NOP53: variants seen among roughly 807,000 people sequenced by gnomAD.
NOP53 encodes ribosome biogenesis protein NOP53.
NOP53 carries 40 observed loss-of-function variants against 61.0 expected under a neutral mutation model. The observed-to-expected ratio is 0.66, with a 90% CI of 0.51 to 0.85. NOP53 has a LOEUF of 0.85. NOP53 is among the 40% of genes least tolerant of loss of function. NOP53 has a pLI of 0.00. For synonymous variants in NOP53, 308 were observed against 289.5 expected (o/e 1.06, Z -0.65); for missense variants, 689 against 652.9 (o/e 1.06, Z -0.60).
intron 2 of NOP53, among the ~76,000 whole-genome samples, chr19:47,748,965 C>T (rs535799790): frequency 5.9e-5 from 9 of 152,178 alleles, no homozygotes; most frequent in African/African-American, 2.2e-4. Context: ...AGTTTGAGAC[C>T]AGCCTGACCA....
Position 47,757,041 on chromosome 19 carries a change from AAAAT to A in NOP53, c.*37_*40del. 1.9e-6 allele frequency: 3 copies of A among 1,612,766 alleles called. No individual in the cohort carries two copies. The South Asian group carries it at 3.3e-5, about 18-fold the overall frequency. Reference sequence around the variant, plus strand: ...ATGCCGGAGACTCGCCCTTCAATAAAAAATCTCTTCTAGCTGATCAGTGGGCTCC... The same window carrying A: ...ATGCCGGAGACTCGCCCTTCAATAAACTCTTCTAGCTGATCAGTGGGCTCC... On this transcript the variant is annotated 3_prime_UTR_variant, in exon 13 of 13. Coordinates refer to ENST00000246802, the MANE Select transcript of NOP53 (RefSeq NM_015710.5).
intron 10 of NOP53, 62 bp downstream of exon 10, chr19:47,755,884 T>G: frequency 7.0e-7 from 1 of 1,419,548 alleles, no homozygotes; most frequent in South Asian, 1.2e-5. Context: ...TTGCTCCCCG[T>G]GCCCCCCAGG....
chr19:47,745,745 G>T lies in NOP53; in HGVS notation c.186G>T (p.Gln62His). The T allele has an allele frequency of 6.3e-7, 1 of 1,596,426 alleles. No individual in the cohort carries two copies. Among genetic ancestry groups the T allele is most frequent in the Non-Finnish European group, 8.5e-7 (1 of 1,171,204 alleles). ...AQEPLGLEVD[Q>H]FLEDVRLQER... ...AGCCGCTGGGGCTGGAGGTTGACCA[G>T]TTCCTGGAAGACGTGCGGCTACAGG... Residue 62 changes from glutamine (Q) to histidine (H), a missense_variant, in exon 1 of 13, where the codon CAG becomes CAT. By Grantham distance (24) the Gln-to-His change is conservative. Coordinates refer to ENST00000246802, the MANE Select transcript of NOP53 (RefSeq NM_015710.5).
At chr19:47,751,371 G>T in intron 4 of NOP53, 149 bp from the exon 5 acceptor site, 1 of 668,674 alleles carries the variant, frequency 1.5e-6, no homozygotes. Context: ...TTTTGTCCTG[G>T]TGATCAAGGC....
At chr19:47,751,476 C>A in intron 4 of NOP53, 44 bp from the exon 5 acceptor site, 1 of 1,504,310 alleles carries the variant, frequency 6.6e-7, no homozygotes, top group South Asian at 1.1e-5. Context: ...GGTGCCTCTT[C>A]CATGCTGGGA....
At position 47,756,754 on chromosome 19, in the gene NOP53, C is replaced by T. The variant is rs745340128; in HGVS notation, c.1430+10C>T. 1.2e-6 allele frequency: 2 copies of T among 1,612,974 alleles called. No individual in the cohort carries two copies. Among genetic ancestry groups the T allele is most frequent in the Admixed American group, 1.7e-5 (1 of 60,022 alleles). On this transcript the variant is annotated intron_variant, in intron 12 of 12. Transcript: ENST00000246802. ...CGTTCCGTGAGATCCAGTGAGTCCACCCGGCTTCGGCGCAAGGAAGGGAGC... is the reference window on the plus strand; with the variant it reads ...CGTTCCGTGAGATCCAGTGAGTCCATCCGGCTTCGGCGCAAGGAAGGGAGC...
At position 47,747,022 on chromosome 19, in the gene NOP53, A is replaced by G. The variant is rs865876387; in HGVS notation, c.280A>G (p.Lys94Glu). The change falls in exon 2 of 13, where the codon AAG becomes GAG. Residue 94 changes from lysine (K) to glutamate (E), a missense_variant. Lys to Glu is a moderately conservative substitution (Grantham distance 56). Transcript: ENST00000246802. ...ACTCTTCTTCGTGGACACTGGCTCC[A>G]AGGAAAAAGGTGAGGAGAGGCTTTT... ...EKLFFVDTGS[K>E]EKGLTKKRTK... 1 of 1,613,630 alleles carries G rather than the reference A, an allele frequency of 6.2e-7. No homozygotes were observed. The highest frequency in any genetic ancestry group is 1.3e-5 in the African/African-American group (1 of 75,040).
intron 2 of NOP53, 82 bp from the exon 3 acceptor site, chr19:47,750,096 C>A: frequency 1.2e-6 from 1 of 847,490 alleles, no homozygotes; most frequent in Non-Finnish European, 2.0e-6. Context: ...GGTCTGATGG[C>A]TCCCATGGAG....
At chr19:47,747,123 G>A in intron 2 of NOP53, 92 bp downstream of exon 2, 1 of 1,011,734 alleles carries the variant, frequency 9.9e-7, no homozygotes, top group African/African-American at 1.6e-5. Flanking sequence ...GATGTGGCTT[G>A]GAAGGCAAAT....
chr19:47,747,494 T>C (rs1044587398), intron 2 of NOP53, among the ~76,000 whole-genome samples: 1 of 151,922 alleles, frequency 6.6e-6, no homozygotes, highest in Non-Finnish European at 1.5e-5. Context: ...ATACAAAAAT[T>C]AGCCAGTTGT....
Position 47,751,071 on chromosome 19 carries a change from G to A in NOP53, c.562G>A (p.Val188Ile), listed in dbSNP as rs749548679. The change falls in exon 4 of 13, where the codon GTA (valine) becomes ATA (isoleucine). Residue 188 changes from valine to isoleucine, a missense_variant. Transcript: ENST00000246802. ...GGCCAAGCCCGGGCCCCAGGACACC[G>A]TAGAGCGGCCCTTCTACGACCTCTG... ...TRAKPGPQDT[V>I]ERPFYDLWAS... 34 of 1,608,712 alleles carry A rather than the reference G, an allele frequency of 2.1e-5. No homozygotes were observed. Among genetic ancestry groups the A allele is most frequent in the South Asian group, 4.5e-5 (4 of 89,744 alleles).
chr19:47,748,950 T>C (rs1042909892), intron 2 of NOP53, among the ~76,000 whole-genome samples: 9 of 151,840 alleles, frequency 5.9e-5, no homozygotes, highest in African/African-American at 2.2e-4. Flanking sequence ...TCACCTGAGG[T>C]CGGGAGTTTG....
chr19:47,756,908 C>T, intron 12 of NOP53, 91 bp from the exon 13 acceptor site: 1 of 1,578,976 alleles, frequency 6.3e-7, no homozygotes, highest in South Asian at 1.1e-5. Context: ...GGAGGGTCCC[C>T]AAAGGGAAAC....
chr19:47,746,890 T>TG, intron 1 of NOP53, 77 bp from the exon 2 acceptor site: 2 of 1,211,148 alleles, frequency 1.7e-6, no homozygotes, highest in East Asian at 4.7e-5. Flanking sequence ...AAGCGGAAGA[T>TG]GAAGGCTGGA....
chr19:47,754,236 C>T lies in NOP53; in HGVS notation c.766-291C>T, dbSNP rs1257061948. 5 of 398,526 alleles carry T rather than the reference C, an allele frequency of 1.3e-5. No homozygotes were observed. The highest frequency in any genetic ancestry group is 8.3e-5 in the East Asian group (2 of 24,106). The allele number at this position is 398,526 out of a possible 1,614,324, so 24.7% of individuals were successfully genotyped here. Reference sequence around the variant, plus strand: ...GGGTTGTGGTGAGCTGAGATCACACCATTGCACTCCAGTCTGGGCAACAAG... The same window carrying T: ...GGGTTGTGGTGAGCTGAGATCACACTATTGCACTCCAGTCTGGGCAACAAG... On this transcript the variant is annotated intron_variant, in intron 6 of 12. Coordinates refer to ENST00000246802, the MANE Select transcript of NOP53 (RefSeq NM_015710.5). The surrounding 1 kb of genome is among the most constrained non-coding windows in gnomAD (Gnocchi z 4.2).
chr19:47,754,404 G>T lies in NOP53; in HGVS notation c.766-123G>T. The T allele has an allele frequency of 1.3e-6, 1 of 753,810 alleles. No individual in the cohort carries two copies. 46.7% of individuals were successfully genotyped at this position (753,810 alleles called of 1,614,324 possible). Reference sequence around the variant, plus strand: ...GGTGTGCTGGTAGACGGGGTGTGGGGAGGAAAGCCTGGGCCGGGGCGGGAT... The same window carrying T: ...GGTGTGCTGGTAGACGGGGTGTGGGTAGGAAAGCCTGGGCCGGGGCGGGAT... On this transcript the variant is annotated intron_variant, in intron 6 of 12. Transcript: ENST00000246802. The surrounding 1 kb of genome is among the most constrained non-coding windows in gnomAD (Gnocchi z 4.2).
intron 2 of NOP53, 82 bp from the exon 3 acceptor site, chr19:47,750,096 C>T (rs962558611): frequency 2.4e-6 from 2 of 847,376 alleles, no homozygotes; most frequent in African/African-American, 3.4e-5. Context: ...GGTCTGATGG[C>T]TCCCATGGAG....
Position 47,754,753 on chromosome 19 carries a change from G to A in NOP53, c.915G>A (p.Ser305=), listed in dbSNP as rs915584661. Residue 305 remains serine, a synonymous_variant, in exon 8 of 13, where the codon TCG becomes TCA. Transcript: ENST00000246802. The surrounding 1 kb of genome is among the most constrained non-coding windows in gnomAD (Gnocchi z 4.2). Reference sequence around the variant, plus strand: ...TGTGCGAGGGGCTGCTGGAGGAGTCGGATGGTGAGGGGGAGCCAGGCCAGG... The same window carrying A: ...TGTGCGAGGGGCTGCTGGAGGAGTCAGATGGTGAGGGGGAGCCAGGCCAGG... ...QELCEGLLEE[S]DGEGEPGQGE... The A allele has an allele frequency of 3.3e-6, 5 of 1,528,116 alleles. No homozygotes were observed. The African/African-American group carries it at 4.1e-5, about 13-fold the overall frequency. The allele number at this position is 1,528,116 out of a possible 1,614,324, so 94.7% of individuals were successfully genotyped here. A position where few individuals can be genotyped will look rare whatever the true frequency, so the allele number is the denominator to read the frequency against.
chr19:47,745,870 CGGGGGTCGGGGGTCGGGGGTT>C (rs1481228465), intron 1 of NOP53, 87 bp downstream of exon 1: 1 of 195,096 alleles, frequency 5.1e-6, no homozygotes, highest in Non-Finnish European at 8.2e-6. Flanking sequence ...CGTCGGGGGT[CGGGGGTCGGGGGTCGGGGGTT>C]GGGGGCTCCT....
Sources: allele counts gnomAD v4.1 joint callset (sites outside exome capture counted in the v4.1 genomes callset), GRCh38; gene constraint gnomAD v4.1.1; non-coding constraint Gnocchi (gnomAD v3.1); transcripts MANE v1.5; gene names NCBI Gene and HGNC (gene_info 2026-07-23, HGNC 2026-07-21).